Variants in PUDP observed in about 807,000 individuals in gnomAD.
The protein encoded by PUDP is pseudouridine 5'-phosphatase, also known as pseudouridine-5'-phosphatase.
In PUDP, 8 loss-of-function variants were observed where a neutral mutation model predicts 9.4. The ratio of observed to expected loss-of-function variants is 0.85; its 90% confidence interval spans 0.50 to 1.53. The LOEUF (loss-of-function observed/expected upper bound fraction) is 1.53, where lower values mean the gene tolerates loss of function less well. Among genes scored for constraint, PUDP ranks in the 40% most tolerant of loss-of-function variants. PUDP has a pLI of 0.00. For synonymous variants in PUDP, 99 were observed against 80.7 expected, an observed-to-expected ratio of 1.23 and a Z score of -1.22; for missense variants, 188 against 189.7, an observed-to-expected ratio of 0.99 and a Z score of 0.05.
chrX:6,908,932 C>T (rs755454768), intron 3 of PUDP, among the ~76,000 whole-genome samples: 1 of 111,441 alleles, frequency 9.0e-6, no homozygotes, highest in African/African-American at 3.3e-5. Flanking sequence ...TGTAAGAACA[C>T]CTCCAAGAGA....
chrX:7,100,027 C>T (rs1330407723), intron 2 of PUDP, among the ~76,000 whole-genome samples: 1 of 87,936 alleles, frequency 1.1e-5, no homozygotes, highest in Non-Finnish European at 2.2e-5. Flanking sequence ...CTCACCCCAT[C>T]CCGTCCCCCT....
intron 3 of PUDP, among the ~76,000 whole-genome samples, chrX:6,912,172 G>C (rs1480891744): frequency 9.0e-6 from 1 of 111,347 alleles, no homozygotes; most frequent in African/African-American, 3.3e-5. Flanking sequence ...TATTTGTATT[G>C]ATTTTCTCTT....
rs144421227 is a variant in PUDP at position 6,959,210 on chromosome X, A to G, written c.*247+17923T>C. ...GAATGATCCTGAAGGTATTTCAGAGATTAGCAATTCTGCCCCTCCCATCAC... is the reference window on the plus strand; with the variant it reads ...GAATGATCCTGAAGGTATTTCAGAGGTTAGCAATTCTGCCCCTCCCATCAC... On this transcript the variant is annotated intron_variant and NMD_transcript_variant, in intron 3 of 3. Coordinates refer to the PUDP transcript ENST00000655425. Among the ~76,000 whole-genome samples the G allele has an allele frequency of 9.5e-3, 1,057 of 111,820 alleles. 16 individuals are homozygous for G. The highest frequency in any genetic ancestry group is 0.03 in the East Asian group (104 of 3,515).
intron 1 of PUDP, among the ~76,000 whole-genome samples, chrX:7,043,163 C>A (rs1244231883): frequency 9.0e-6 from 1 of 111,708 alleles, no homozygotes; most frequent in Non-Finnish European, 1.9e-5. Flanking sequence ...TGAGGGAGTG[C>A]ACAGCACGTG....
chrX:6,935,068 A>C (rs1354726863), intron 3 of PUDP, among the ~76,000 whole-genome samples: 25 of 89,465 alleles, frequency 2.8e-4, no homozygotes, highest in Non-Finnish European at 5.3e-4. Flanking sequence ...ACATTAGACA[A>C]ATCAACGAGA....
In PUDP at chrX:7,049,150, C is replaced by A. The variant is rs1239544363; in HGVS notation, c.*1146G>T. The A allele has an allele frequency of 8.9e-6, 1 of 111,971 alleles. No individual in the cohort carries two copies. Among genetic ancestry groups the A allele is most frequent in the Non-Finnish European group, 1.9e-5 (1 of 53,223 alleles). The allele number at this position is 111,971 out of a possible 1,213,427, so 9.2% of individuals were successfully genotyped here. On this transcript the variant is annotated 3_prime_UTR_variant, in exon 4 of 4. Coordinates refer to ENST00000381077, the MANE Select transcript of PUDP (RefSeq NM_012080.5). ...CATTCCTACGGTTTGTCCACAACTTCCAGAGCTGAAGAGTAGCTCAAGGAC... is the reference window on the plus strand; with the variant it reads ...CATTCCTACGGTTTGTCCACAACTTACAGAGCTGAAGAGTAGCTCAAGGAC...
intron 1 of PUDP, among the ~76,000 whole-genome samples, chrX:6,716,162 C>G (rs1419469888): frequency 9.1e-6 from 1 of 110,073 alleles, no homozygotes; most frequent in Admixed American, 9.7e-5. Flanking sequence ...ACATAGCTGT[C>G]TTCCCCATTT....
intron 2 of PUDP, among the ~76,000 whole-genome samples, chrX:7,089,477 T>C (rs1298363038): frequency 1.8e-5 from 2 of 111,487 alleles, no homozygotes; most frequent in East Asian, 5.6e-4. Context: ...GCATTCTGAA[T>C]GCACAGCTTG....
chrX:6,998,016 T>C (rs1268762548), intron 1 of PUDP, among the ~76,000 whole-genome samples: 1 of 111,978 alleles, frequency 8.9e-6, no homozygotes, highest in Non-Finnish European at 1.9e-5. Flanking sequence ...GTATCTCCTT[T>C]GGAGCTAAAA....
At chrX:6,759,082 TAGAC>T (rs1446503463) in intron 3 of PUDP, among the ~76,000 whole-genome samples, 1 of 111,854 alleles carries the variant, frequency 8.9e-6, no homozygotes, top group African/African-American at 3.2e-5. Flanking sequence ...CTTCCCTACT[TAGAC>T]AGTCTCTGAC....
intron 1 of PUDP, among the ~76,000 whole-genome samples, chrX:6,717,653 C>A (rs1373685356): frequency 8.9e-6 from 1 of 111,787 alleles, no homozygotes; most frequent in Non-Finnish European, 1.9e-5. Flanking sequence ...CAGCAAAGAA[C>A]TTTTGCAGAT....
chrX:6,752,334 C>G (rs1219947878), intron 3 of PUDP, among the ~76,000 whole-genome samples: 14 of 111,262 alleles, frequency 1.3e-4, no homozygotes, highest in African/African-American at 4.6e-4. Flanking sequence ...CTGGCCATTG[C>G]TGTATTTTCA....
At chrX:6,710,159 C>T (rs181772055) in intron 1 of PUDP, among the ~76,000 whole-genome samples, 75 of 111,618 alleles carry the variant, frequency 6.7e-4, no homozygotes, top group African/African-American at 2.3e-3. Flanking sequence ...CAAAAACAAA[C>T]AAATGAAAGC....
chrX:6,933,277 C>T (rs1035037115), intron 3 of PUDP, among the ~76,000 whole-genome samples: 1 of 110,368 alleles, frequency 9.1e-6, no homozygotes, highest in Non-Finnish European at 1.9e-5. Context: ...GGGTACTCCT[C>T]TGAGACAAAA....
intron 1 of PUDP, among the ~76,000 whole-genome samples, chrX:6,708,090 T>C (rs1331534025): frequency 9.0e-6 from 1 of 111,673 alleles, no homozygotes; most frequent in African/African-American, 3.3e-5. Flanking sequence ...AAAAAACAAG[T>C]TGAATTCTTA....
intron 1 of PUDP, among the ~76,000 whole-genome samples, chrX:7,030,523 C>T (rs768123334): frequency 4.5e-5 from 5 of 111,629 alleles, no homozygotes; most frequent in Non-Finnish European, 9.4e-5. Context: ...ACCTGCACAG[C>T]CCCTGCTCAG....
chrX:6,735,929 C>T (rs1924866504), intron 3 of PUDP, among the ~76,000 whole-genome samples: 1 of 108,675 alleles, frequency 9.2e-6, no homozygotes, highest in Non-Finnish European at 1.9e-5. Flanking sequence ...TTCCCAGATA[C>T]TCAGGGTGTT....
chrX:7,103,561 C>T (rs2890114), intron 2 of PUDP, among the ~76,000 whole-genome samples: 34,604 of 111,154 alleles, frequency 0.31, 4,078 homozygotes, highest in Middle Eastern at 0.46. Flanking sequence ...AATGAGATGA[C>T]ATATGTCAAA....
intron 3 of PUDP, among the ~76,000 whole-genome samples, chrX:6,848,034 G>A (rs768915726): frequency 8.9e-6 from 1 of 112,253 alleles, no homozygotes; most frequent in African/African-American, 3.2e-5. Flanking sequence ...AGTCGGGTCT[G>A]AATCCCGTGC....
Sources: gnomAD v4.1 joint callset for allele counts (sites outside exome capture counted in the v4.1 genomes callset) on GRCh38, gnomAD v4.1.1 for gene constraint, MANE v1.5 for transcripts, NCBI Gene and HGNC (gene_info 2026-07-23, HGNC 2026-07-21) for gene names.